The following PCDH15 variants were observed in gnomAD, a reference collection of about 807,000 sequenced individuals.
The protein encoded by PCDH15 is protocadherin-15.
A neutral mutation model predicts 178.5 loss-of-function variants in PCDH15; 129 were observed. The ratio of observed to expected loss-of-function variants is 0.72; its 90% CI spans 0.63 to 0.84. The LOEUF (loss-of-function observed/expected upper bound fraction) is 0.84. PCDH15 is among the 40% of genes least tolerant of loss of function. The pLI, the probability that PCDH15 is intolerant of heterozygous loss-of-function variation, is 0.00. For synonymous variants in PCDH15, 800 were observed against 732.0 expected (o/e 1.09, Z -1.50); for missense variants, 2,230 against 2,099.9 (o/e 1.06, Z -1.21).
intron 20 of PCDH15, among the ~76,000 whole-genome samples, chr10:54,013,519 CTG>C: frequency 6.6e-6 from 1 of 152,218 alleles, no homozygotes; most frequent in Middle Eastern, 3.4e-3. Flanking sequence ...TCAAAACAAT[CTG>C]TAACAAATTG....
chr10:54,545,930 A>G (rs1282924384), intron 2 of PCDH15, among the ~76,000 whole-genome samples: 1 of 152,180 alleles, frequency 6.6e-6, no homozygotes, highest in Non-Finnish European at 1.5e-5. Context: ...AGCAGAAGAC[A>G]CTCTCATGAC....
chr10:55,417,947 T>A (rs965088366), intron 2 of PCDH15, among the ~76,000 whole-genome samples: 1 of 151,474 alleles, frequency 6.6e-6, no homozygotes, highest in African/African-American at 2.4e-5. Flanking sequence ...AAAATAAAAA[T>A]TCACCTAATC....
chr10:55,074,395 A>G (rs12411970), intron 2 of PCDH15, among the ~76,000 whole-genome samples: 10,235 of 152,106 alleles, frequency 0.067, 455 homozygotes, highest in African/African-American at 0.11. Flanking sequence ...AGCTTTTAAT[A>G]ATCACCATTC....
At chr10:55,060,602 T>A (rs1841405514) in intron 2 of PCDH15, among the ~76,000 whole-genome samples, 1 of 151,948 alleles carries the variant, frequency 6.6e-6, no homozygotes, top group Non-Finnish European at 1.5e-5. Context: ...CTGAATTTCA[T>A]ATAGGTGCCA....
intron 26 of PCDH15, among the ~76,000 whole-genome samples, chr10:53,886,866 G>C (rs2081139469): frequency 6.6e-6 from 1 of 152,046 alleles, no homozygotes; most frequent in South Asian, 2.1e-4. Context: ...CCCTCCAACT[G>C]CCTTTTCTAA....
chr10:54,823,296 G>T (rs1170446727), intron 3 of PCDH15, among the ~76,000 whole-genome samples: 2 of 151,872 alleles, frequency 1.3e-5, no homozygotes, highest in Middle Eastern at 3.2e-3. Flanking sequence ...GTCTTACATG[G>T]CACTGCATGG....
chr10:54,182,293 A>G (rs937044999), intron 13 of PCDH15, among the ~76,000 whole-genome samples: 4 of 152,220 alleles, frequency 2.6e-5, no homozygotes, highest in Admixed American at 2.6e-4. Context: ...AATTTTAATT[A>G]ACAATTAATG....
intron 8 of PCDH15, among the ~76,000 whole-genome samples, chr10:54,252,534 C>T (rs1214022554): frequency 6.6e-6 from 1 of 152,168 alleles, no homozygotes; most frequent in African/African-American, 2.4e-5. Context: ...TCAGAACTCT[C>T]ACATTCTTAG....
chr10:55,428,954 AT>A (rs1282599291), intron 2 of PCDH15, among the ~76,000 whole-genome samples: 1 of 151,998 alleles, frequency 6.6e-6, no homozygotes, highest in African/African-American at 2.4e-5. Context: ...TTAATGTGAC[AT>A]TCTACCACTT....
chr10:54,299,329 G>A (rs1183774236), intron 8 of PCDH15, among the ~76,000 whole-genome samples: 1 of 150,790 alleles, frequency 6.6e-6, no homozygotes, highest in Non-Finnish European at 1.5e-5. Flanking sequence ...GAAAGAGAAA[G>A]ACAGACAAAG....
intron 18 of PCDH15, among the ~76,000 whole-genome samples, chr10:54,039,236 G>A (rs1459485270): frequency 1.3e-5 from 2 of 151,908 alleles, no homozygotes; most frequent in Non-Finnish European, 2.9e-5. Context: ...TAATTTTTGT[G>A]CAGGTAGGGG....
At position 53,876,108 on chromosome 10, in the gene PCDH15, C is replaced by G. The variant is rs191245200; in HGVS notation, c.3502-9251G>C. 9.2e-5 allele frequency among the ~76,000 whole-genome samples: 14 copies of G among 152,084 alleles called. No homozygotes were observed. In the East Asian group the frequency reaches 2.3e-3, roughly 25 times the overall value. ...CTCACATTTCCACCTACCAAGGTCA[C>G]TATGTCAAGTTTGCAAAAAGCAAAA... is the stretch of plus-strand genomic sequence containing the variant. On this transcript the variant is annotated intron_variant, in intron 26 of 37. Transcript: ENST00000644397.
intron 2 of PCDH15, among the ~76,000 whole-genome samples, chr10:55,525,264 C>A (rs570682494): frequency 6.6e-5 from 10 of 151,908 alleles, no homozygotes; most frequent in African/African-American, 2.4e-4. Context: ...TTGTAAATAT[C>A]TCAGAATTTA....
At chr10:55,582,621 TA>T (rs58767643) in intron 2 of PCDH15, among the ~76,000 whole-genome samples, 8,806 of 93,616 alleles carry the variant, frequency 0.094, 475 homozygotes, top group Non-Finnish European at 0.11. Context: ...TATATATATA[TA>T]TATATATTTT....
At chr10:54,939,236 C>T (rs2464645) in intron 2 of PCDH15, among the ~76,000 whole-genome samples, 25,304 of 150,312 alleles carry the variant, frequency 0.17, 2,364 homozygotes, top group Admixed American at 0.23. Context: ...GGCTCACGCC[C>T]GTAATCCCAG....
chr10:54,006,385 T>C (rs2092388600), intron 20 of PCDH15, among the ~76,000 whole-genome samples: 1 of 152,108 alleles, frequency 6.6e-6, no homozygotes, highest in Non-Finnish European at 1.5e-5. Context: ...TAAAAAACAA[T>C]ATTAAATCTG....
chr10:54,645,818 T>C (rs2094118373), intron 2 of PCDH15, among the ~76,000 whole-genome samples: 1 of 152,116 alleles, frequency 6.6e-6, no homozygotes, highest in Non-Finnish European at 1.5e-5. Context: ...CATACTAACA[T>C]ATATTTATCA....
chr10:54,480,562 C>T (rs981282393), intron 3 of PCDH15, among the ~76,000 whole-genome samples: 2 of 151,982 alleles, frequency 1.3e-5, no homozygotes, highest in Non-Finnish European at 2.9e-5. Flanking sequence ...GAGGACTTGT[C>T]CCAAGATAAA....
At chr10:55,193,281 T>A (rs1839994517) in intron 1 of PCDH15, among the ~76,000 whole-genome samples, 2 of 151,918 alleles carry the variant, frequency 1.3e-5, no homozygotes, top group South Asian at 4.1e-4. Flanking sequence ...GAAAAGCAAT[T>A]TCAATATGAA....
Sources: gnomAD v4.1 joint callset for allele counts (sites outside exome capture counted in the v4.1 genomes callset) on GRCh38, gnomAD v4.1.1 for gene constraint, MANE v1.5 for transcripts, NCBI Gene and HGNC (gene_info 2026-07-23, HGNC 2026-07-21) for gene names.